The following GMDS variants were observed in gnomAD, a reference collection of about 807,000 sequenced individuals.
The protein encoded by GMDS is GDP-mannose 4,6-dehydratase.
A neutral mutation model predicts 49.9 loss-of-function variants in GMDS; 20 were observed. The observed-to-expected ratio is 0.40, with a 90% CI of 0.28 to 0.58. The LOEUF is 0.58. Ranked by LOEUF, GMDS falls within the 20% of genes least tolerant of loss-of-function variation. The pLI is 0.42. For missense variants in GMDS, 362 were observed against 481.4 expected, an observed-to-expected ratio of 0.75 and a Z score of 2.32; for synonymous variants, 177 against 178.6, an observed-to-expected ratio of 0.99 and a Z score of 0.07.
intron 1 of GMDS, among the ~76,000 whole-genome samples, chr6:2,160,559 T>C (rs755096644): frequency 1.3e-5 from 2 of 152,220 alleles, no homozygotes; most frequent in Non-Finnish European, 2.9e-5. Flanking sequence ...TATAAGTCTA[T>C]GAAGATTTTG....
intron 4 of GMDS, among the ~76,000 whole-genome samples, chr6:1,974,983 A>T (rs1304291938): frequency 6.6e-6 from 1 of 151,718 alleles, no homozygotes; most frequent in Non-Finnish European, 1.5e-5. Flanking sequence ...GGTTGCAGTG[A>T]GCTGAGATTA....
chr6:2,022,091 G>C (rs1458725971), intron 4 of GMDS, among the ~76,000 whole-genome samples: 5 of 152,040 alleles, frequency 3.3e-5, no homozygotes, highest in South Asian at 2.1e-4. Context: ...AGCCTAACAA[G>C]GCAACAGGGT....
intron 1 of GMDS, among the ~76,000 whole-genome samples, chr6:2,227,746 C>G (rs576482355): frequency 6.6e-6 from 1 of 152,294 alleles, no homozygotes; most frequent in African/African-American, 2.4e-5. Context: ...TCCCCTGGGT[C>G]ACAATAGCAG....
intron 9 of GMDS, among the ~76,000 whole-genome samples, chr6:1,637,897 C>T (rs1333645046): frequency 2.6e-5 from 4 of 152,164 alleles, no homozygotes; most frequent in Non-Finnish European, 5.9e-5. Flanking sequence ...GTGTGCCACT[C>T]GAGGTGGATC....
chr6:1,674,495 G>A (rs77829407), intron 9 of GMDS, among the ~76,000 whole-genome samples: 10,131 of 147,472 alleles, frequency 0.069, 384 homozygotes, highest in South Asian at 0.12. Flanking sequence ...TCTTAACAGT[G>A]TCTTTCATGG....
At chr6:2,142,527 G>T (rs769789822) in intron 1 of GMDS, among the ~76,000 whole-genome samples, 13 of 152,142 alleles carry the variant, frequency 8.5e-5, no homozygotes, top group Non-Finnish European at 1.5e-4. Flanking sequence ...ACCAAATATT[G>T]CCAGAAAACC....
chr6:2,227,208 C>T (rs1780857296), intron 1 of GMDS, among the ~76,000 whole-genome samples: 1 of 151,226 alleles, frequency 6.6e-6, no homozygotes, highest in Non-Finnish European at 1.5e-5. Flanking sequence ...ATATATATGT[C>T]ATATATATAT....
At chr6:2,182,937 G>T (rs980306189) in intron 1 of GMDS, among the ~76,000 whole-genome samples, 1 of 152,004 alleles carries the variant, frequency 6.6e-6, no homozygotes. Context: ...CAAGCTCCTG[G>T]GCTCAAACGA....
chr6:2,046,712 TG>T (rs1003554039), intron 4 of GMDS, among the ~76,000 whole-genome samples: 2 of 145,148 alleles, frequency 1.4e-5, no homozygotes, highest in African/African-American at 5.7e-5. Flanking sequence ...TCCACCTGCC[TG>T]GCCTCCCAGT....
At position 2,039,193 on chromosome 6, in the gene GMDS, C is replaced by T. The variant is rs562148034; in HGVS notation, c.345+76578G>A. 7.9e-5 allele frequency among the ~76,000 whole-genome samples: 12 copies of T among 152,216 alleles called. No individual in the cohort carries two copies. In the South Asian group the frequency reaches 2.5e-3, roughly 32 times the overall value. On this transcript the variant is annotated intron_variant, in intron 4 of 10. Transcript: ENST00000380815. ...AAACACGAAAAGTACAGTAAAAGTA[C>T]AGTACAAGAGATGAAAAATGGTACA... is the stretch of plus-strand genomic sequence containing the variant.
chr6:2,120,108 A>G (rs181543572), intron 2 of GMDS, among the ~76,000 whole-genome samples: 1 of 152,238 alleles, frequency 6.6e-6, no homozygotes, highest in Non-Finnish European at 1.5e-5. Context: ...TATTTAAGTA[A>G]TATCAATAGC....
intron 4 of GMDS, among the ~76,000 whole-genome samples, chr6:1,997,235 C>T (rs1176999622): frequency 6.6e-6 from 1 of 151,992 alleles, no homozygotes; most frequent in Admixed American, 6.6e-5. Context: ...ACTGGCTGGG[C>T]ACGGTGGCTC....
intron 4 of GMDS, among the ~76,000 whole-genome samples, chr6:2,067,343 CA>C (rs1771671911): frequency 6.7e-6 from 1 of 149,068 alleles, no homozygotes; most frequent in Non-Finnish European, 1.5e-5. Flanking sequence ...CCTAACATCA[CA>C]ATTAAAAGAA....
chr6:2,150,148 T>C (rs1381763570), intron 1 of GMDS, among the ~76,000 whole-genome samples: 1 of 152,124 alleles, frequency 6.6e-6, no homozygotes, highest in Admixed American at 6.5e-5. Context: ...ATCAAGTACT[T>C]GTAAAATAAT....
At chr6:1,691,417 T>C (rs1368484828) in intron 9 of GMDS, among the ~76,000 whole-genome samples, 1 of 152,094 alleles carries the variant, frequency 6.6e-6, no homozygotes, top group Admixed American at 6.5e-5. Context: ...GCCTTAATAC[T>C]TAGGTGATGG....
At chr6:2,194,055 T>C (rs574925634) in intron 1 of GMDS, among the ~76,000 whole-genome samples, 1 of 152,176 alleles carries the variant, frequency 6.6e-6, no homozygotes, top group East Asian at 1.9e-4. Flanking sequence ...AAAAGAAGCA[T>C]TATAAATATG....
chr6:1,826,838 G>A (rs1018725168), intron 7 of GMDS, among the ~76,000 whole-genome samples: 5 of 152,026 alleles, frequency 3.3e-5, no homozygotes, highest in African/African-American at 9.7e-5. Flanking sequence ...AGGCTGAGGT[G>A]GGAGGATCAC....
intron 9 of GMDS, among the ~76,000 whole-genome samples, chr6:1,675,797 G>A (rs1308798239): frequency 4.6e-5 from 7 of 150,820 alleles, no homozygotes; most frequent in Admixed American, 1.3e-4. Flanking sequence ...AGGTTGCAGT[G>A]AGCCGAGATC....
At chr6:1,759,545 C>A (rs953873952) in intron 7 of GMDS, among the ~76,000 whole-genome samples, 7 of 152,174 alleles carry the variant, frequency 4.6e-5, no homozygotes, top group African/African-American at 7.2e-5. Context: ...TGTGAGCTAA[C>A]CTGGGGACCT....
Sources: gnomAD v4.1 joint callset for allele counts (sites outside exome capture counted in the v4.1 genomes callset) on GRCh38, gnomAD v4.1.1 for gene constraint, MANE v1.5 for transcripts, NCBI Gene and HGNC (gene_info 2026-07-23, HGNC 2026-07-21) for gene names.